Variants in ZNF253 observed in about 807,000 individuals in gnomAD.
The protein encoded by ZNF253 is zinc finger protein 253.
In ZNF253, 8 loss-of-function variants were observed where a neutral mutation model predicts 11.9. The ratio of observed to expected loss-of-function variants is 0.67; its 90% CI spans 0.40 to 1.22. ZNF253 has a LOEUF of 1.22. Ranked by LOEUF, ZNF253 falls within the 50% of genes most tolerant of loss-of-function variation. The pLI is 0.01. For missense variants in ZNF253, 485 were observed against 586.9 expected (o/e 0.83, Z 1.79); for synonymous variants, 194 against 194.9 (o/e 1.00, Z 0.04).
At chr19:19,873,136 G>C (rs1429131115) in intron 1 of ZNF253, among the ~76,000 whole-genome samples, 1 of 151,910 alleles carries the variant, frequency 6.6e-6, no homozygotes, top group Non-Finnish European at 1.5e-5. Context: ...TTATGTCAGA[G>C]GCTCTAGGAA....
At chr19:19,885,298 TTTTCTTTC>T (rs1555777998) in intron 3 of ZNF253, among the ~76,000 whole-genome samples, 823 of 37,440 alleles carry the variant, frequency 0.022, 59 homozygotes, top group South Asian at 0.032. Context: ...TTTCTCTTTC[TTTTCTTTC>T]TTTCTTTCTT....
intron 1 of ZNF253, among the ~76,000 whole-genome samples, chr19:19,869,383 T>C (rs959780869): frequency 6.6e-6 from 1 of 152,096 alleles, no homozygotes; most frequent in African/African-American, 2.4e-5. Flanking sequence ...ATTTTTTTTT[T>C]CGAGGTGTTT....
Position 19,893,946 on chromosome 19 carries a change from ACTTTT to A in ZNF253, c.*1206_*1210del, listed in dbSNP as rs1181198704. 2.0e-5 allele frequency: 3 copies of A among 152,240 alleles called. No homozygotes were observed. The highest frequency in any genetic ancestry group is 6.5e-5 in the Admixed American group (1 of 15,286). 9.4% of individuals were successfully genotyped at this position (152,240 alleles called of 1,614,324 possible). ...TACTGCAAATGTAATGAATGGAAAG[ACTTTT>A]CTTTTCCAAAAATGACAGCTTAGAA... On this transcript the variant is annotated 3_prime_UTR_variant, in exon 4 of 4. Transcript: ENST00000589717.
chr19:19,869,964 A>G (rs2063127243), intron 1 of ZNF253, among the ~76,000 whole-genome samples: 3 of 152,154 alleles, frequency 2.0e-5, no homozygotes, highest in African/African-American at 7.2e-5. Flanking sequence ...AGCCAAAAAC[A>G]ATATTTTCTA....
At chr19:19,866,317 C>G (rs2063110775) in intron 1 of ZNF253, among the ~76,000 whole-genome samples, 1 of 152,080 alleles carries the variant, frequency 6.6e-6, no homozygotes, top group African/African-American at 2.4e-5. Flanking sequence ...CCTGCGGGTT[C>G]ATGAATGGGA....
In ZNF253 at chr19:19,872,302, A is replaced by G. The variant is rs138912881; in HGVS notation, c.4-6179A>G. On this transcript the variant is annotated intron_variant, in intron 1 of 3. Transcript: ENST00000589717. Reference sequence around the variant, plus strand: ...GGTAACACCTGCTGCTACTCCAGCCATTCAGGTCCTAAATCTGCAGCTCCA... The same window carrying G: ...GGTAACACCTGCTGCTACTCCAGCCGTTCAGGTCCTAAATCTGCAGCTCCA... Among the ~76,000 whole-genome samples the G allele has an allele frequency of 1.2e-4, 18 of 152,194 alleles. No individual in the cohort carries two copies. The South Asian group carries it at 1.2e-3, about 11-fold the overall frequency.
chr19:19,889,568 A>T (rs1195779752), intron 3 of ZNF253, among the ~76,000 whole-genome samples: 1 of 150,152 alleles, frequency 6.7e-6, no homozygotes, highest in Non-Finnish European at 1.5e-5. Context: ...CTGATCTTGA[A>T]CTCCTGACCT....
intron 3 of ZNF253, among the ~76,000 whole-genome samples, chr19:19,886,427 G>T (rs1175531237): frequency 6.6e-6 from 1 of 152,144 alleles, no homozygotes; most frequent in Non-Finnish European, 1.5e-5. Flanking sequence ...TATAATATGG[G>T]TTGGATATTC....
In ZNF253 at chr19:19,893,646, C is replaced by G. The variant is rs939609203; in HGVS notation, c.*899C>G. 1 of 152,124 alleles carries G rather than the reference C, an allele frequency of 6.6e-6. No individual in the cohort carries two copies. The highest frequency in any genetic ancestry group is 1.5e-5 in the Non-Finnish European group (1 of 68,022). The allele number at this position is 152,124 out of a possible 1,614,324, so 9.4% of individuals were successfully genotyped here. ...TGCAAATACAAAGAATATGGAAAAACCATTAATGCCTACTCACATCTTACT... is the reference window on the plus strand; with the variant it reads ...TGCAAATACAAAGAATATGGAAAAAGCATTAATGCCTACTCACATCTTACT... On this transcript the variant is annotated 3_prime_UTR_variant, in exon 4 of 4. Transcript: ENST00000589717.
In ZNF253 at chr19:19,878,590, G is replaced by C. The variant is rs771509649; in HGVS notation, c.113G>C (p.Arg38Thr). The change falls in exon 2 of 4, where the codon AGA becomes ACA. Residue 38 changes from arginine (R) to threonine (T), a missense_variant. Physicochemically the swap from Arg to Thr is moderately conservative, Grantham distance 71. Transcript: ENST00000589717. ...LYRDVMLENY[R>T]NLVFLGIVVS... ...AGGGATGTGATGTTAGAGAACTACA[G>C]AAACTTGGTCTTCCTTGGTGAGGAC... is the stretch of plus-strand genomic sequence containing the variant. The C allele has an allele frequency of 6.2e-7, 1 of 1,613,498 alleles. No individual in the cohort carries two copies. The highest frequency in any genetic ancestry group is 8.5e-7 in the Non-Finnish European group (1 of 1,179,774).
Position 19,892,549 on chromosome 19 carries a change from T to G in ZNF253, c.1302T>G (p.Thr434=). Residue 434 remains threonine (T), a synonymous_variant, in exon 4 of 4, where the codon ACT becomes ACG. Transcript: ENST00000589717. ...YKCEECGKSF[T]ASSTLTTHKR... is the part of the protein sequence containing the mutation. Reference sequence around the variant, plus strand: ...GTGAAGAATGTGGCAAATCCTTTACTGCATCCTCAACTCTAACTACACATA... The same window carrying G: ...GTGAAGAATGTGGCAAATCCTTTACGGCATCCTCAACTCTAACTACACATA... 1 of 1,611,402 alleles carries G rather than the reference T, an allele frequency of 6.2e-7. No individual in the cohort carries two copies. The highest frequency in any genetic ancestry group is 8.5e-7 in the Non-Finnish European group (1 of 1,179,178).
intron 1 of ZNF253, among the ~76,000 whole-genome samples, 160 bp downstream of exon 1, chr19:19,866,159 C>T (rs538048524): frequency 1.3e-5 from 2 of 152,176 alleles, no homozygotes; most frequent in Non-Finnish European, 2.9e-5. Context: ...CATAAGATGG[C>T]GGCTGCGGTG....
chr19:19,886,923 T>G (rs2063208631), intron 3 of ZNF253, among the ~76,000 whole-genome samples: 1 of 152,214 alleles, frequency 6.6e-6, no homozygotes, highest in African/African-American at 2.4e-5. Flanking sequence ...AATTATTATG[T>G]TGCCATGTAT....
intron 1 of ZNF253, among the ~76,000 whole-genome samples, chr19:19,878,082 A>AC (rs1410472207): frequency 6.6e-6 from 1 of 151,870 alleles, no homozygotes; most frequent in African/African-American, 2.4e-5. Context: ...ATAAAAAAAA[A>AC]CCCTGCACAA....
At chr19:19,890,156 G>A (rs977261967) in intron 3 of ZNF253, among the ~76,000 whole-genome samples, 1 of 152,168 alleles carries the variant, frequency 6.6e-6, no homozygotes, top group Non-Finnish European at 1.5e-5. Flanking sequence ...TTTGGCTAGA[G>A]ATTCTGGGAA....
At chr19:19,866,179 G>A (rs60745231) in intron 1 of ZNF253, among the ~76,000 whole-genome samples, 180 bp downstream of exon 1, 33,590 of 151,888 alleles carry the variant, frequency 0.22, 4,137 homozygotes, top group East Asian at 0.47. Context: ...GACATCCGGG[G>A]CCCGGCACAG....
chr19:19,891,579 A>G lies in ZNF253; in HGVS notation c.332A>G (p.Gln111Arg), dbSNP rs1454217689. The part of the protein sequence containing the change: ...RYEECRHDNL[Q>R]LKKGCKSVGE... The stretch of plus-strand genomic sequence containing the variant: ...GAAGAATGCAGACATGACAATTTAC[A>G]GTTAAAAAAAGGCTGTAAAAGCGTG... Residue 111 changes from glutamine (Q) to arginine (R), a missense_variant, in exon 4 of 4, where the codon CAG becomes CGG. This residue lies in a region of ZNF253 where 218 missense variants were observed against 213.1 expected (regional missense o/e 1.02). Coordinates refer to ENST00000589717, the MANE Select transcript of ZNF253 (RefSeq NM_021047.3). 1 of 1,614,142 alleles carries G rather than the reference A, an allele frequency of 6.2e-7. No homozygotes were observed. Among genetic ancestry groups the G allele is most frequent in the Non-Finnish European group, 8.5e-7 (1 of 1,180,004 alleles).
At chr19:19,885,576 A>G (rs1312026073) in intron 3 of ZNF253, among the ~76,000 whole-genome samples, 1 of 151,798 alleles carries the variant, frequency 6.6e-6, no homozygotes, top group Admixed American at 6.6e-5. Flanking sequence ...TATTTTTAAT[A>G]GAGACGGGGT....
Position 19,865,940 on chromosome 19 carries a change from G to T in ZNF253, c.-57G>T, listed in dbSNP as rs1410710285. 8.1e-6 allele frequency: 13 copies of T among 1,612,828 alleles called. No homozygotes were observed. The South Asian group carries it at 1.4e-4, about 18-fold the overall frequency. ...AGAGGCCCGTCCTCTGTGGCCGTGT[G>T]ACCTGCAAGTATTGGGAGAGCCACA... On this transcript the variant is annotated 5_prime_UTR_variant, in exon 1 of 4. Transcript: ENST00000589717.
Sources: allele counts gnomAD v4.1 joint callset (sites outside exome capture counted in the v4.1 genomes callset), GRCh38; gene constraint gnomAD v4.1.1; regional missense constraint gnomAD v4.1.1; transcripts MANE v1.5; gene names NCBI Gene and HGNC (gene_info 2026-07-23, HGNC 2026-07-21).